Variants in ARHGEF3 observed in about 807,000 individuals in gnomAD.
The protein encoded by ARHGEF3 is Rho guanine nucleotide exchange factor 3.
In ARHGEF3, 28 loss-of-function variants were observed where a neutral mutation model predicts 63.2. The observed-to-expected ratio is 0.44, with a 90% CI of 0.33 to 0.61. ARHGEF3 has a LOEUF of 0.61. ARHGEF3 is among the 20% of genes least tolerant of loss of function. The pLI is 0.03. For missense variants in ARHGEF3, 533 were observed against 659.3 expected (o/e 0.81, Z 2.10); for synonymous variants, 266 against 254.2 (o/e 1.05, Z -0.44).
chr3:56,784,845 G>T (rs866388298), intron 1 of ARHGEF3, among the ~76,000 whole-genome samples: 27 of 152,140 alleles, frequency 1.8e-4, no homozygotes, highest in South Asian at 1.2e-3. Context: ...CTACGACCTT[G>T]GGCCCAAAAT....
chr3:56,900,135 T>G (rs1332303857), intron 3 of ARHGEF3, among the ~76,000 whole-genome samples: 2 of 152,124 alleles, frequency 1.3e-5, no homozygotes, highest in African/African-American at 2.4e-5. Context: ...ACCTCCCAAC[T>G]CCCTTTGTTG....
At chr3:56,872,200 A>C (rs2040452073) in intron 4 of ARHGEF3, among the ~76,000 whole-genome samples, 1 of 152,178 alleles carries the variant, frequency 6.6e-6, no homozygotes, top group South Asian at 2.1e-4. Context: ...AGGGGTGTTC[A>C]TAGGTTTTGC....
At chr3:56,762,454 G>A (rs2035471877) in intron 2 of ARHGEF3, among the ~76,000 whole-genome samples, 1 of 152,120 alleles carries the variant, frequency 6.6e-6, no homozygotes, top group African/African-American at 2.4e-5. Context: ...TGGAAAAGAT[G>A]CTGCAGATGC....
intron 3 of ARHGEF3, among the ~76,000 whole-genome samples, chr3:56,958,523 A>G (rs9311633): frequency 0.16 from 24,532 of 151,512 alleles, 2,288 homozygotes; most frequent in East Asian, 0.25. Flanking sequence ...GTAGAGTAGC[A>G]GCTTCGCCAT....
At chr3:56,748,569 T>G (rs1170220508) in intron 6 of ARHGEF3, among the ~76,000 whole-genome samples, 1 of 146,736 alleles carries the variant, frequency 6.8e-6, no homozygotes, top group Non-Finnish European at 1.5e-5. Flanking sequence ...TTTTTTTTGC[T>G]TCCATGTACT....
At chr3:56,799,459 C>A (rs2037534931) in intron 1 of ARHGEF3, among the ~76,000 whole-genome samples, 1 of 152,168 alleles carries the variant, frequency 6.6e-6, no homozygotes, top group Admixed American at 6.5e-5. Flanking sequence ...ATCTATTTTT[C>A]TTTTTATTAT....
chr3:56,962,523 A>AT (rs1700324672), intron 2 of ARHGEF3, among the ~76,000 whole-genome samples: 1 of 152,192 alleles, frequency 6.6e-6, no homozygotes, highest in African/African-American at 2.4e-5. Context: ...TCTAGGCAGC[A>AT]TTTCCCAGTG....
intron 1 of ARHGEF3, among the ~76,000 whole-genome samples, chr3:56,791,844 AAAAC>A (rs1363580944): frequency 1.5e-5 from 2 of 137,282 alleles, no homozygotes; most frequent in African/African-American, 3.0e-5. Context: ...AGAAAACCTA[AAAAC>A]AAACAAAATA....
intron 1 of ARHGEF3, among the ~76,000 whole-genome samples, chr3:57,077,678 T>A (rs1191927569): frequency 6.6e-6 from 1 of 152,148 alleles, no homozygotes; most frequent in East Asian, 1.9e-4. Flanking sequence ...AATGTCAGAC[T>A]GTCAGGAGAC....
In ARHGEF3 at chr3:57,010,578, T is replaced by G. The variant is rs1292181593; in HGVS notation, c.62+24510A>C. The stretch of plus-strand genomic sequence containing the variant: ...TTTTACAGGGTTGTACATACAAAAC[T>G]ATGCATGGTTTGGAGGATTTATGCA... On this transcript the variant is annotated intron_variant, in intron 2 of 12. Transcript: ENST00000338458. Among the ~76,000 whole-genome samples, 6 of 152,202 alleles carry G rather than the reference T, an allele frequency of 3.9e-5. No homozygotes were observed. The East Asian group carries it at 1.2e-3, about 29-fold the overall frequency.
intron 8 of ARHGEF3, among the ~76,000 whole-genome samples, chr3:56,732,922 C>A (rs376165503): frequency 6.6e-6 from 1 of 151,970 alleles, no homozygotes; most frequent in Non-Finnish European, 1.5e-5. Flanking sequence ...CTGAAGTGGG[C>A]GGATCACTTG....
chr3:56,834,765 A>G (rs999141980), intron 4 of ARHGEF3, among the ~76,000 whole-genome samples: 1 of 149,942 alleles, frequency 6.7e-6, no homozygotes, highest in African/African-American at 2.4e-5. Flanking sequence ...AAAAAAAAAA[A>G]GAATAACAAT....
At chr3:56,977,468 T>A (rs1436703274) in intron 2 of ARHGEF3, 2 of 363,256 alleles carry the variant, frequency 5.5e-6, no homozygotes, top group African/African-American at 4.3e-5. Context: ...TCCCACTCAC[T>A]CGGGAGCCCT....
chr3:57,014,731 A>T (rs1201807210), intron 2 of ARHGEF3, among the ~76,000 whole-genome samples: 1 of 149,964 alleles, frequency 6.7e-6, no homozygotes, highest in East Asian at 2.0e-4. Flanking sequence ...CCCAGGCTGG[A>T]GTGCAGTGGC....
At chr3:57,026,866 G>A (rs74988238) in intron 2 of ARHGEF3, among the ~76,000 whole-genome samples, 2,303 of 152,196 alleles carry the variant, frequency 0.015, 81 homozygotes, top group African/African-American at 0.053. Flanking sequence ...CACTATATTC[G>A]TCTCCTCATC....
chr3:56,882,289 T>TA (rs2040792489), intron 4 of ARHGEF3: 2 of 1,551,646 alleles, frequency 1.3e-6, no homozygotes, highest in Non-Finnish European at 1.7e-6. Flanking sequence ...GGACTATACT[T>TA]ACACTTATGT....
At chr3:56,910,149 G>A (rs2041817576) in intron 3 of ARHGEF3, among the ~76,000 whole-genome samples, 1 of 152,308 alleles carries the variant, frequency 6.6e-6, no homozygotes, top group Non-Finnish European at 1.5e-5. Context: ...CAACTCCAGA[G>A]GTTTCAGGCA....
At chr3:56,745,676 AT>A (rs373379471) in intron 6 of ARHGEF3, among the ~76,000 whole-genome samples, 69 of 146,266 alleles carry the variant, frequency 4.7e-4, no homozygotes, top group East Asian at 6.0e-4. Context: ...TCACAAAGCA[AT>A]TTTTTTTTTT....
At chr3:57,078,795 C>T (rs1184629952) in intron 1 of ARHGEF3, 1 of 154,462 alleles carries the variant, frequency 6.5e-6, no homozygotes. Flanking sequence ...GCGGGTGCCC[C>T]GCGGGGCTGG....
Sources: gnomAD v4.1 joint callset for allele counts (sites outside exome capture counted in the v4.1 genomes callset) on GRCh38, gnomAD v4.1.1 for gene constraint, MANE v1.5 for transcripts, NCBI Gene and HGNC (gene_info 2026-07-23, HGNC 2026-07-21) for gene names.